SLC17A1: variants seen among roughly 807,000 people sequenced by gnomAD.
SLC17A1 encodes solute carrier family 17 member 1, also known as sodium-dependent phosphate transport protein 1.
A neutral mutation model predicts 53.5 loss-of-function variants in SLC17A1; 51 were observed. That is an observed-to-expected ratio of 0.95 (90% confidence interval 0.76 to 1.20). The LOEUF (loss-of-function observed/expected upper bound fraction) is 1.20. SLC17A1 is among the 50% of genes most tolerant of loss of function. The pLI is 0.00. For missense variants in SLC17A1, 538 were observed against 568.2 expected (o/e 0.95, Z 0.54); for synonymous variants, 179 against 198.8 (o/e 0.90, Z 0.84).
At chr6:25,753,903 G>A in the SLC17A1 span, among the ~76,000 whole-genome samples, 2 of 152,098 alleles carry the variant, frequency 1.3e-5, no homozygotes, top group South Asian at 2.1e-4. Flanking sequence ...GAAGTTCAAG[G>A]ACAGAGTCTT....
chr6:25,760,333 T>G, the SLC17A1 span, among the ~76,000 whole-genome samples: 1 of 152,214 alleles, frequency 6.6e-6, no homozygotes, highest in African/African-American at 2.4e-5. Context: ...CCATATCTGA[T>G]AGAATGCTGT....
At chr6:25,822,687 C>T (rs976251110) in intron 3 of SLC17A1, among the ~76,000 whole-genome samples, 1 of 152,088 alleles carries the variant, frequency 6.6e-6, no homozygotes, top group African/African-American at 2.4e-5. Context: ...AAATACAACT[C>T]CCGTGAGTAG....
the SLC17A1 span, chr6:25,732,114 T>A: frequency 1.4e-6 from 1 of 727,260 alleles, no homozygotes; most frequent in Non-Finnish European, 2.1e-6. Context: ...ACTGCCTTCT[T>A]AAAGCCCTTT....
At chr6:25,813,751 GT>G (rs1764242441) in intron 6 of SLC17A1, among the ~76,000 whole-genome samples, 5 of 152,252 alleles carry the variant, frequency 3.3e-5, no homozygotes, top group East Asian at 1.9e-4. Flanking sequence ...GGTAGAAGGT[GT>G]TCCCCTCAGT....
the SLC17A1 span, chr6:25,777,120 C>G: frequency 2.5e-6 from 2 of 798,764 alleles, no homozygotes; most frequent in Admixed American, 6.1e-5. Flanking sequence ...GGAAGAGACT[C>G]AAAGCTGGTG....
intron 11 of SLC17A1, among the ~76,000 whole-genome samples, 155 bp from the exon 12 acceptor site, chr6:25,799,074 T>C (rs1025051563): frequency 6.6e-6 from 1 of 152,196 alleles, no homozygotes; most frequent in Admixed American, 6.5e-5. Flanking sequence ...CATTTTACTT[T>C]ATAAAATAAT....
At chr6:25,735,419 T>C in the SLC17A1 span, among the ~76,000 whole-genome samples, 1 of 152,208 alleles carries the variant, frequency 6.6e-6, no homozygotes, top group Admixed American at 6.5e-5. Flanking sequence ...AAGTGAGCAA[T>C]CATGCTCTAA....
At chr6:25,806,971 G>A (rs927210320) in intron 10 of SLC17A1, among the ~76,000 whole-genome samples, 22 of 151,836 alleles carry the variant, frequency 1.4e-4, no homozygotes, top group Non-Finnish European at 2.1e-4. Flanking sequence ...TAAAACCATA[G>A]TGAGATACTA....
At chr6:25,794,193 C>T (rs2151477299) in intron 12 of SLC17A1, among the ~76,000 whole-genome samples, 1 of 152,268 alleles carries the variant, frequency 6.6e-6, no homozygotes, top group Admixed American at 6.5e-5. Flanking sequence ...AGGGAACTTT[C>T]TCTATAAACA....
chr6:25,780,971 G>A (rs984297214), downstream of SLC17A1: 3 of 152,106 alleles, frequency 2.0e-5, no homozygotes, highest in Non-Finnish European at 4.4e-5. Context: ...TAGACAACAA[G>A]AAGGAAAATG....
chr6:25,794,938 T>G (rs1763574145), intron 12 of SLC17A1, among the ~76,000 whole-genome samples: 2 of 152,238 alleles, frequency 1.3e-5, no homozygotes, highest in African/African-American at 2.4e-5. Context: ...TAACCCGCTT[T>G]GCAGCAGTGT....
At chr6:25,758,200 C>T in the SLC17A1 span, among the ~76,000 whole-genome samples, 1 of 152,140 alleles carries the variant, frequency 6.6e-6, no homozygotes. Context: ...ATGTCAAGCT[C>T]CCTGAATGAC....
chr6:25,807,486 G>A (rs560728560), intron 10 of SLC17A1, among the ~76,000 whole-genome samples: 1 of 151,976 alleles, frequency 6.6e-6, no homozygotes, highest in Non-Finnish European at 1.5e-5. Context: ...CAATAATTTT[G>A]GGGGAACAGG....
the SLC17A1 span, among the ~76,000 whole-genome samples, chr6:25,725,602 T>C: frequency 6.6e-6 from 1 of 152,110 alleles, no homozygotes; most frequent in African/African-American, 2.4e-5. Context: ...CTAACATACA[T>C]AAATCTAGTT....
At chr6:25,743,477 G>A in the SLC17A1 span, among the ~76,000 whole-genome samples, 1 of 152,040 alleles carries the variant, frequency 6.6e-6, no homozygotes, top group Non-Finnish European at 1.5e-5. Context: ...GGAAAATATA[G>A]CACCTTCTAT....
chr6:25,770,116 C>T, the SLC17A1 span: 1 of 1,614,112 alleles, frequency 6.2e-7, no homozygotes. Context: ...ATCCTCAGCT[C>T]CCTCAACTAT....
chr6:25,768,467 T>G, the SLC17A1 span: 1 of 774,386 alleles, frequency 1.3e-6, no homozygotes, highest in South Asian at 5.7e-5. Context: ...AAGATGAAGT[T>G]TAAATACTTC....
chr6:25,822,138 A>G (rs887534993), intron 3 of SLC17A1, among the ~76,000 whole-genome samples: 1 of 152,188 alleles, frequency 6.6e-6, no homozygotes, highest in African/African-American at 2.4e-5. Context: ...AATATTCCTC[A>G]TCTACCTTCT....
chr6:25,769,298 C>A, the SLC17A1 span: 1 of 1,063,922 alleles, frequency 9.4e-7, no homozygotes, highest in Non-Finnish European at 1.4e-6. Context: ...TGAACATGTA[C>A]TATGTGCCAG....
Sources: gnomAD v4.1 joint callset for allele counts (sites outside exome capture counted in the v4.1 genomes callset) on GRCh38, gnomAD v4.1.1 for gene constraint, MANE v1.5 for transcripts, NCBI Gene and HGNC (gene_info 2026-07-23, HGNC 2026-07-21) for gene names.